The following SYT17 variants were observed in gnomAD, a reference collection of about 807,000 sequenced individuals.
The protein encoded by SYT17 is synaptotagmin 17.
A neutral mutation model predicts 46.7 loss-of-function variants in SYT17; 22 were observed. The ratio of observed to expected loss-of-function variants is 0.47; its 90% CI spans 0.34 to 0.67. The LOEUF (loss-of-function observed/expected upper bound fraction) is 0.67. Ranked by LOEUF, SYT17 falls within the 30% of genes least tolerant of loss-of-function variation. SYT17 has a pLI of 0.01. For missense variants in SYT17, 519 were observed against 612.8 expected (o/e 0.85, Z 1.62); for synonymous variants, 251 against 248.4 (o/e 1.01, Z -0.10).
At chr16:19,250,151 A>G (rs950368785) in intron 7 of SYT17, 2 of 1,378,888 alleles carry the variant, frequency 1.5e-6, no homozygotes, top group African/African-American at 2.9e-5. Flanking sequence ...TTTTTAACAT[A>G]TTGAAAGAAT....
At chr16:19,211,347 C>A in intron 5 of SYT17, 1 of 696,488 alleles carries the variant, frequency 1.4e-6, no homozygotes, top group South Asian at 1.5e-5. Context: ...GGCAGCAGCT[C>A]AGCCTCTGTG....
chr16:19,218,156 A>T (rs3785348), intron 5 of SYT17, among the ~76,000 whole-genome samples: 113,142 of 152,156 alleles, frequency 0.74, 42,325 homozygotes, highest in East Asian at 0.88. Flanking sequence ...GGACAGTGCC[A>T]GGACTATGGT....
intron 4 of SYT17, among the ~76,000 whole-genome samples, chr16:19,180,997 T>A (rs1964530967): frequency 6.6e-6 from 1 of 152,154 alleles, no homozygotes; most frequent in Non-Finnish European, 1.5e-5. Flanking sequence ...GGAGAGTTAC[T>A]AGGGCAGGGT....
At chr16:19,180,637 G>A (rs1964514507) in intron 4 of SYT17, 98 bp downstream of exon 4, 1 of 1,473,382 alleles carries the variant, frequency 6.8e-7, no homozygotes, top group Non-Finnish European at 9.3e-7. Flanking sequence ...GCTGGGGGAG[G>A]GCGGCAGAGT....
chr16:19,233,746 A>G (rs1966788388), intron 7 of SYT17, among the ~76,000 whole-genome samples: 2 of 152,152 alleles, frequency 1.3e-5, no homozygotes, highest in African/African-American at 2.4e-5. Context: ...AGAAGAGAAA[A>G]GGAAGGAATT....
chr16:19,245,078 A>T (rs1302214400), intron 7 of SYT17, among the ~76,000 whole-genome samples: 1 of 152,166 alleles, frequency 6.6e-6, no homozygotes, highest in African/African-American at 2.4e-5. Context: ...GTTTATGGTC[A>T]GGGTCAACAG....
intron 7 of SYT17, among the ~76,000 whole-genome samples, chr16:19,232,853 AACAAAC>A (rs1418263095): frequency 6.6e-6 from 1 of 151,550 alleles, no homozygotes. Context: ...CAAACAAACA[AACAAAC>A]AAACAAACTC....
chr16:19,207,541 G>C (rs1965720565), intron 5 of SYT17, among the ~76,000 whole-genome samples: 1 of 152,058 alleles, frequency 6.6e-6, no homozygotes, highest in Non-Finnish European at 1.5e-5. Flanking sequence ...AGAATGGGGA[G>C]GGGCCACACA....
In SYT17 at chr16:19,180,464, A is replaced by G. The variant is rs759611432; in HGVS notation, c.256A>G (p.Thr86Ala). 1 of 1,614,154 alleles carries G rather than the reference A, an allele frequency of 6.2e-7. No individual in the cohort carries two copies. The highest frequency in any genetic ancestry group is 8.5e-7 in the Non-Finnish European group (1 of 1,180,020). ...CAGCGAAGTCCCGCTGACCCCACGG[A>G]CCAATTCCCCGGATGGAAGACGCTC... ...TASEVPLTPR[T>A]NSPDGRRSSS... Residue 86 changes from threonine to alanine, a missense_variant, in exon 4 of 8, where the codon ACC (threonine) becomes GCC (alanine). By Grantham distance (58) the Thr-to-Ala change is moderately conservative. Coordinates refer to ENST00000355377, the MANE Select transcript of SYT17 (RefSeq NM_016524.4).
intron 5 of SYT17, among the ~76,000 whole-genome samples, chr16:19,217,265 CTCTA>C (rs1190852349): frequency 6.6e-6 from 1 of 151,968 alleles, no homozygotes; most frequent in Non-Finnish European, 1.5e-5. Flanking sequence ...CAACCATCAC[CTCTA>C]TCTAATTCCA....
intron 5 of SYT17, among the ~76,000 whole-genome samples, chr16:19,196,312 G>A (rs923589110): frequency 6.0e-5 from 9 of 150,910 alleles, no homozygotes; most frequent in African/African-American, 2.0e-4. Flanking sequence ...GCATGATCTC[G>A]GCTCACTGCA....
rs186589122 is a variant in SYT17, at chr16:19,213,160, G to C, written c.952-9885G>C. 2.9e-4 allele frequency among the ~76,000 whole-genome samples: 44 copies of C among 152,290 alleles called. 1 individual carries two copies. Among genetic ancestry groups the C allele is most frequent in the African/African-American group, 1.0e-3 (42 of 41,556 alleles). The stretch of plus-strand genomic sequence containing the variant: ...ACTAAAACAAAGGATTTCCCAGTAA[G>C]GCAAAATTTACTTCTGTAGGAAGGT... On this transcript the variant is annotated intron_variant, in intron 5 of 7. Transcript: ENST00000355377.
chr16:19,236,721 G>A (rs1303407383), intron 7 of SYT17, among the ~76,000 whole-genome samples: 1 of 152,162 alleles, frequency 6.6e-6, no homozygotes, highest in African/African-American at 2.4e-5. Flanking sequence ...TCCGCCTTGT[G>A]AGTCACAAAC....
At chr16:19,238,586 G>T (rs1597000467) in intron 7 of SYT17, among the ~76,000 whole-genome samples, 1 of 152,348 alleles carries the variant, frequency 6.6e-6, no homozygotes, top group East Asian at 1.9e-4. Flanking sequence ...TGAAGATCAG[G>T]CCAGCTGCCA....
chr16:19,223,920 T>C (rs78931330), intron 6 of SYT17, among the ~76,000 whole-genome samples: 1,862 of 152,182 alleles, frequency 0.012, 41 homozygotes, highest in African/African-American at 0.043. Context: ...ATTAAGGGTT[T>C]AGGAGTCAAA....
intron 5 of SYT17, among the ~76,000 whole-genome samples, chr16:19,198,520 C>T (rs1965340894): frequency 6.6e-6 from 1 of 152,216 alleles, no homozygotes; most frequent in African/African-American, 2.4e-5. Context: ...GTTCTAAGGG[C>T]TTTCATTTCC....
At chr16:19,169,426 C>G (rs1337111782) in intron 1 of SYT17, among the ~76,000 whole-genome samples, 1 of 152,222 alleles carries the variant, frequency 6.6e-6, no homozygotes, top group Non-Finnish European at 1.5e-5. Flanking sequence ...GCAGGCAGAC[C>G]CGCAGTGAGA....
rs575133976 is a variant in SYT17, at chr16:19,267,271, G to T, written c.*195G>T. ...GCTGACTATTGATCACAAAATGGCC[G>T]CCCTCAGTTGAGTGAGGCCTAGGAA... On this transcript the variant is annotated 3_prime_UTR_variant, in exon 8 of 8. Transcript: ENST00000355377. The T allele has an allele frequency of 2.2e-6, 1 of 460,932 alleles. No homozygotes were observed. Among genetic ancestry groups the T allele is most frequent in the Non-Finnish European group, 3.4e-6 (1 of 290,724 alleles). The allele number at this position is 460,932 out of a possible 1,614,324, so 28.6% of individuals were successfully genotyped here.
At chr16:19,189,587 C>T (rs1964933018) in intron 5 of SYT17, among the ~76,000 whole-genome samples, 1 of 152,016 alleles carries the variant, frequency 6.6e-6, no homozygotes, top group Non-Finnish European at 1.5e-5. Context: ...TGGGTTCAAG[C>T]GATCCTCCTG....
Sources: gnomAD v4.1 joint callset for allele counts (sites outside exome capture counted in the v4.1 genomes callset) on GRCh38, gnomAD v4.1.1 for gene constraint, MANE v1.5 for transcripts, NCBI Gene and HGNC (gene_info 2026-07-23, HGNC 2026-07-21) for gene names.